The following MRPS28 variants were observed in gnomAD, a reference collection of about 807,000 sequenced individuals.
The protein encoded by MRPS28 is small ribosomal subunit protein bS1m.
In MRPS28, 7 loss-of-function variants were observed where a neutral mutation model predicts 10.8. The observed-to-expected ratio is 0.65, with a 90% CI of 0.37 to 1.22. The LOEUF (loss-of-function observed/expected upper bound fraction) is 1.22, where lower values mean the gene tolerates loss of function less well. MRPS28 is among the 50% of genes most tolerant of loss of function. MRPS28 has a pLI of 0.02. For synonymous variants in MRPS28, 121 were observed against 93.3 expected, an observed-to-expected ratio of 1.30 and a Z score of -1.71; for missense variants, 265 against 232.9, an observed-to-expected ratio of 1.14 and a Z score of -0.90.
intron 2 of MRPS28, among the ~76,000 whole-genome samples, chr8:79,932,365 A>G (rs574412984): frequency 6.6e-6 from 1 of 152,314 alleles, no homozygotes; most frequent in South Asian, 2.1e-4. Context: ...TTTAATGACA[A>G]GAAAAGGAGC....
At chr8:80,020,185 A>T (rs376219319) in intron 1 of MRPS28, among the ~76,000 whole-genome samples, 1 of 152,308 alleles carries the variant, frequency 6.6e-6, no homozygotes, top group East Asian at 1.9e-4. Flanking sequence ...ACCATAAGGC[A>T]TTGTGGAGAG....
At chr8:79,944,752 G>C (rs1332390092) in intron 2 of MRPS28, among the ~76,000 whole-genome samples, 1 of 147,888 alleles carries the variant, frequency 6.8e-6, no homozygotes, top group Non-Finnish European at 1.5e-5. Context: ...CTGGAGTGCA[G>C]TGGCACAATC....
chr8:79,946,642 A>G (rs1806927558), intron 2 of MRPS28, among the ~76,000 whole-genome samples: 1 of 152,152 alleles, frequency 6.6e-6, no homozygotes, highest in South Asian at 2.1e-4. Flanking sequence ...TCTGAGTGGT[A>G]GGATTTTGTT....
chr8:79,993,809 C>T (rs1331971014), intron 2 of MRPS28, among the ~76,000 whole-genome samples: 2 of 152,140 alleles, frequency 1.3e-5, no homozygotes, highest in Non-Finnish European at 2.9e-5. Flanking sequence ...CCCACCAATA[C>T]ACCTTGAAAA....
intron 2 of MRPS28, among the ~76,000 whole-genome samples, chr8:79,986,769 TAA>T (rs56703806): frequency 0.051 from 7,709 of 151,650 alleles, 569 homozygotes; most frequent in African/African-American, 0.18. Context: ...CTCAACGAAA[TAA>T]AAGAGGATAC....
At chr8:79,982,829 G>T (rs1172644467) in intron 2 of MRPS28, among the ~76,000 whole-genome samples, 3 of 152,146 alleles carry the variant, frequency 2.0e-5, no homozygotes, top group Non-Finnish European at 4.4e-5. Context: ...CTCCACCTCT[G>T]GGGGCAGGGC....
At chr8:79,957,209 T>C (rs993396205) in intron 2 of MRPS28, 6 of 152,090 alleles carry the variant, frequency 3.9e-5, no homozygotes, top group Non-Finnish European at 7.4e-5. Flanking sequence ...GAATCTTCCA[T>C]AATATCTTGG....
intron 2 of MRPS28, among the ~76,000 whole-genome samples, chr8:79,932,246 A>G (rs1262626596): frequency 3.3e-5 from 5 of 152,188 alleles, no homozygotes; most frequent in African/African-American, 4.8e-5. Flanking sequence ...AACCAAATCA[A>G]ATAGGAGTAA....
At chr8:80,024,098 C>T (rs765586932) in intron 1 of MRPS28, among the ~76,000 whole-genome samples, 9 of 152,036 alleles carry the variant, frequency 5.9e-5, no homozygotes, top group East Asian at 1.9e-4. Flanking sequence ...GGCATGGTGA[C>T]GCACAGCTAT....
At chr8:79,996,870 G>A (rs559509767) in intron 2 of MRPS28, among the ~76,000 whole-genome samples, 5 of 152,266 alleles carry the variant, frequency 3.3e-5, no homozygotes, top group South Asian at 2.1e-4. Flanking sequence ...GAAGCACAGC[G>A]GGGTGAAAAG....
chr8:79,959,184 AAT>A (rs1807307040), intron 2 of MRPS28, among the ~76,000 whole-genome samples: 1 of 152,146 alleles, frequency 6.6e-6, no homozygotes, highest in Non-Finnish European at 1.5e-5. Context: ...AACCGACTTT[AAT>A]AATAGCAGTA....
rs1809650602 is a variant in MRPS28 at position 80,030,234 on chromosome 8, A to G, written c.15T>C (p.Cys5=). The G allele has an allele frequency of 5.6e-6, 9 of 1,614,044 alleles. No homozygotes were observed. Among genetic ancestry groups the G allele is most frequent in the Non-Finnish European group, 7.6e-6 (9 of 1,180,032 alleles). MAAL[C]RTRAVAAESH... ...TCTCGGCAGCCACAGCACGGGTCCG[A>G]CACAGCGCCGCCATGACTTCTTTAC... The change falls in exon 1 of 3, where the codon TGT becomes TGC. Residue 5 remains cysteine (C), a synonymous_variant. Coordinates refer to ENST00000276585, the MANE Select transcript of MRPS28 (RefSeq NM_014018.3).
intron 2 of MRPS28, among the ~76,000 whole-genome samples, chr8:79,965,816 T>C (rs1330742613): frequency 4.6e-5 from 7 of 152,038 alleles, no homozygotes; most frequent in African/African-American, 9.7e-5. Flanking sequence ...ACTTTCAGAA[T>C]GTCTCTCTAT....
chr8:80,008,289 C>T (rs769282438), intron 1 of MRPS28, among the ~76,000 whole-genome samples: 1 of 152,278 alleles, frequency 6.6e-6, no homozygotes, highest in Admixed American at 6.5e-5. Context: ...GGATTAAAGA[C>T]TTAAATGTTA....
chr8:79,983,012 G>A (rs542257596), intron 2 of MRPS28, among the ~76,000 whole-genome samples: 1 of 139,436 alleles, frequency 7.2e-6, no homozygotes, highest in Non-Finnish European at 1.5e-5. Context: ...AGCCTAACTG[G>A]GAGGCACCCC....
intron 2 of MRPS28, among the ~76,000 whole-genome samples, chr8:79,974,136 T>C (rs1178351164): frequency 6.6e-6 from 1 of 152,186 alleles, no homozygotes; most frequent in Non-Finnish European, 1.5e-5. Context: ...TGTCTTTAGC[T>C]TTACTAATCT....
chr8:80,029,576 C>T (rs1466718955), intron 1 of MRPS28, among the ~76,000 whole-genome samples: 3 of 152,174 alleles, frequency 2.0e-5, no homozygotes, highest in South Asian at 2.1e-4. Flanking sequence ...AGTGATTCAT[C>T]ACCCAGTCAT....
chr8:80,004,627 C>A lies in MRPS28; in HGVS notation c.214-1447G>T, dbSNP rs924505101. ...GCTCCTTGCCAGCAATGGAACAAAG[C>A]TGGACAGAGAATGACTTTGATGACT... On this transcript the variant is annotated intron_variant, in intron 1 of 2. Transcript: ENST00000276585. Among the ~76,000 whole-genome samples the A allele has an allele frequency of 3.3e-5, 5 of 152,326 alleles. No individual in the cohort carries two copies. In the East Asian group the frequency reaches 7.7e-4, roughly 24 times the overall value.
rs1314495974 is a variant in MRPS28 at position 80,030,253 on chromosome 8, T to G, written c.-5A>C. 6.8e-6 allele frequency: 11 copies of G among 1,614,086 alleles called. No individual in the cohort carries two copies. Among genetic ancestry groups the G allele is most frequent in the East Asian group, 4.5e-5 (2 of 44,878 alleles). On this transcript the variant is annotated 5_prime_UTR_variant, in exon 1 of 3. Transcript: ENST00000276585. ...GGTCCGACACAGCGCCGCCATGACTTCTTTACCTCTGACCTTTGACCTCCC... is the reference window on the plus strand; with the variant it reads ...GGTCCGACACAGCGCCGCCATGACTGCTTTACCTCTGACCTTTGACCTCCC...
Sources: allele counts gnomAD v4.1 joint callset (sites outside exome capture counted in the v4.1 genomes callset), GRCh38; gene constraint gnomAD v4.1.1; transcripts MANE v1.5; gene names NCBI Gene and HGNC (gene_info 2026-07-23, HGNC 2026-07-21).